PCDH15: variants seen among roughly 807,000 people sequenced by gnomAD.
PCDH15 encodes protocadherin related 15.
Under a neutral mutation model 178.5 loss-of-function variants are expected in PCDH15, and 129 were observed. That is an observed-to-expected ratio of 0.72 (90% CI 0.63 to 0.84). The LOEUF (loss-of-function observed/expected upper bound fraction) is 0.84. Among genes scored for constraint, PCDH15 ranks in the 40% least tolerant of loss-of-function variants. The pLI, the probability that PCDH15 is intolerant of heterozygous loss-of-function variation, is 0.00. For missense variants in PCDH15, 2,230 were observed against 2,099.9 expected (o/e 1.06, Z -1.21); for synonymous variants, 800 against 732.0 (o/e 1.09, Z -1.50).
intron 3 of PCDH15, among the ~76,000 whole-genome samples, chr10:54,839,173 A>C (rs59357753): frequency 6.6e-6 from 1 of 152,176 alleles, no homozygotes; most frequent in Non-Finnish European, 1.5e-5. Context: ...TAAAACTCCT[A>C]TAATTGACCA....
chr10:54,990,719 T>C (rs1839479248), intron 2 of PCDH15, among the ~76,000 whole-genome samples: 1 of 152,134 alleles, frequency 6.6e-6, no homozygotes, highest in African/African-American at 2.4e-5. Context: ...TTTTAGTCAG[T>C]TTTTCAAGGA....
rs969359266 is a variant in PCDH15 at position 54,432,123 on chromosome 10, A to G, written c.158-53181T>C. On this transcript the variant is annotated intron_variant, in intron 3 of 37. Coordinates refer to ENST00000644397, the MANE Select transcript of PCDH15 (RefSeq NM_001384140.1). Reference sequence around the variant, plus strand: ...ATGTTCATAGGTTGGAAGAATAAATATTATTAAAATGTCCATAGTACCCAC... The same window carrying G: ...ATGTTCATAGGTTGGAAGAATAAATGTTATTAAAATGTCCATAGTACCCAC... Among the ~76,000 whole-genome samples the G allele has an allele frequency of 4.3e-4, 65 of 152,068 alleles. 1 individual carries two copies. Among genetic ancestry groups the G allele is most frequent in the Admixed American group, 6.6e-4 (10 of 15,264 alleles).
chr10:53,990,326 T>TTA (rs1220697510), intron 21 of PCDH15, among the ~76,000 whole-genome samples: 2 of 149,852 alleles, frequency 1.3e-5, no homozygotes, highest in Non-Finnish European at 3.0e-5. Flanking sequence ...GATTTTCTCT[T>TTA]TATATATATA....
chr10:53,812,478 G>T (rs1171152774), intron 35 of PCDH15, among the ~76,000 whole-genome samples: 4 of 152,048 alleles, frequency 2.6e-5, no homozygotes, highest in Non-Finnish European at 5.9e-5. Context: ...CTCCCAAAGT[G>T]CTGGGATTAC....
intron 1 of PCDH15, among the ~76,000 whole-genome samples, chr10:55,308,598 T>C (rs1843492680): frequency 2.0e-5 from 3 of 152,138 alleles, no homozygotes; most frequent in African/African-American, 4.8e-5. Context: ...GTTTAAAATA[T>C]AAAACAAACA....
chr10:54,524,571 T>G (rs2132604307), intron 3 of PCDH15, among the ~76,000 whole-genome samples: 1 of 152,296 alleles, frequency 6.6e-6, no homozygotes, highest in Admixed American at 6.5e-5. Context: ...ACCTCTCTTC[T>G]TTCAGTAAGG....
At chr10:54,238,677 T>TCTCACA (rs1186937599) in intron 8 of PCDH15, among the ~76,000 whole-genome samples, 130 of 144,358 alleles carry the variant, frequency 9.0e-4, no homozygotes, top group East Asian at 4.6e-3. Flanking sequence ...TCTCTCTCTC[T>TCTCACA]CACACACACA....
At position 54,774,007 on chromosome 10, in the gene PCDH15, C is replaced by CTTTTTTTTTTTTTTT. The variant is rs763704132; in HGVS notation, c.-29+26903_-29+26917dup. 1.2e-4 allele frequency among the ~76,000 whole-genome samples: 9 copies of CTTTTTTTTTTTTTTT among 75,386 alleles called. 1 individual carries two copies. Among genetic ancestry groups the CTTTTTTTTTTTTTTT allele is most frequent in the Non-Finnish European group, 1.8e-4 (7 of 39,284 alleles). 49.5% of individuals were successfully genotyped at this position (75,386 alleles called of 152,430 possible). ...TAGATGAACTGGCATACTTCATAGGCTTTTTTTTTTTTTTTTTTTTTTTTT... is the reference window on the plus strand; with the variant it reads ...TAGATGAACTGGCATACTTCATAGGCTTTTTTTTTTTTTTTTTTTTTTTTTTTTTTTTTTTTTTTT... On this transcript the variant is annotated intron_variant, in intron 1 of 37. Coordinates refer to ENST00000644397, the MANE Select transcript of PCDH15 (RefSeq NM_001384140.1).
At chr10:54,561,980 C>CTTTTTTTTTTTTTTTTTTT (rs575547228) in intron 2 of PCDH15, among the ~76,000 whole-genome samples, 1 of 75,252 alleles carries the variant, frequency 1.3e-5, no homozygotes, top group South Asian at 5.1e-4. Context: ...CCGCACCCAG[C>CTTTTTTTTTTTTTTTTTTT]TTTTTTTTTT....
At chr10:54,182,102 C>T (rs1013579978) in intron 13 of PCDH15, among the ~76,000 whole-genome samples, 2 of 152,068 alleles carry the variant, frequency 1.3e-5, no homozygotes, top group East Asian at 1.9e-4. Context: ...GGACTACAGG[C>T]GCATGCCGCC....
intron 3 of PCDH15, among the ~76,000 whole-genome samples, chr10:54,404,458 A>G (rs1263392853): frequency 6.6e-6 from 1 of 152,074 alleles, no homozygotes; most frequent in Non-Finnish European, 1.5e-5. Context: ...GGGAGAACTG[A>G]CAAGCCATAT....
chr10:54,804,927 T>TTTTATATATATATATATATA (rs536235796), upstream of PCDH15, among the ~76,000 whole-genome samples: 3 of 50,844 alleles, frequency 5.9e-5, no homozygotes, highest in East Asian at 6.4e-4. Flanking sequence ...TCATAGTAGA[T>TTTTATATATATATATATATA]TATATATATA....
intron 2 of PCDH15, among the ~76,000 whole-genome samples, chr10:55,536,335 T>C (rs1478799576): frequency 6.6e-6 from 1 of 152,082 alleles, no homozygotes; most frequent in Non-Finnish European, 1.5e-5. Flanking sequence ...TGCTCCAAAA[T>C]TTGTCAGTTC....
intron 2 of PCDH15, among the ~76,000 whole-genome samples, chr10:54,950,786 T>G (rs888512974): frequency 2.1e-4 from 32 of 151,954 alleles, no homozygotes; most frequent in African/African-American, 7.5e-4. Flanking sequence ...ATGGGGATTA[T>G]GGGGATTACA....
intron 1 of PCDH15, among the ~76,000 whole-genome samples, chr10:55,205,219 A>G (rs1449742742): frequency 6.6e-6 from 1 of 152,048 alleles, no homozygotes; most frequent in Non-Finnish European, 1.5e-5. Context: ...AGTATGAAAT[A>G]TTATTTTGCA....
intron 2 of PCDH15, among the ~76,000 whole-genome samples, chr10:54,950,216 A>G (rs1838303497): frequency 6.6e-6 from 1 of 152,026 alleles, no homozygotes; most frequent in South Asian, 2.1e-4. Context: ...AAAACTTACA[A>G]TCATGACAGA....
chr10:54,057,242 ACT>A (rs950684500), intron 18 of PCDH15, among the ~76,000 whole-genome samples: 5 of 151,850 alleles, frequency 3.3e-5, no homozygotes, highest in African/African-American at 1.2e-4. Flanking sequence ...CCCAGTGGGG[ACT>A]CTGTGTGGGG....
chr10:54,859,316 T>C (rs1271819086), intron 3 of PCDH15, among the ~76,000 whole-genome samples: 2 of 152,216 alleles, frequency 1.3e-5, no homozygotes, highest in South Asian at 2.1e-4. Context: ...AATCCTTTCA[T>C]ATTTGTCCTT....
At chr10:54,692,896 AAAC>A (rs1200152191) in intron 1 of PCDH15, among the ~76,000 whole-genome samples, 1 of 152,124 alleles carries the variant, frequency 6.6e-6, no homozygotes, top group Non-Finnish European at 1.5e-5. Flanking sequence ...ATGTATTCTA[AAAC>A]AACAACAATA....
Sources: gnomAD v4.1 joint callset for allele counts (sites outside exome capture counted in the v4.1 genomes callset) on GRCh38, gnomAD v4.1.1 for gene constraint, MANE v1.5 for transcripts, NCBI Gene and HGNC (gene_info 2026-07-23, HGNC 2026-07-21) for gene names.